The following HERC3 variants were observed in gnomAD, a reference collection of about 807,000 sequenced individuals.
The protein encoded by HERC3 is HECT and RLD domain containing E3 ubiquitin protein ligase 3.
A neutral mutation model predicts 129.9 loss-of-function variants in HERC3; 58 were observed. The observed-to-expected ratio is 0.45, with a 90% CI of 0.36 to 0.56. The LOEUF (loss-of-function observed/expected upper bound fraction) is 0.56. Among genes scored for constraint, HERC3 ranks in the 20% least tolerant of loss-of-function variants. The probability of loss-of-function intolerance (pLI) is 0.00; values close to 1 mark genes in which losing one functional copy is unlikely to be tolerated. For synonymous variants in HERC3, 430 were observed against 451.0 expected (o/e 0.95, Z 0.59); for missense variants, 835 against 1,244.2 (o/e 0.67, Z 4.95).
At chr4:88,561,272 A>T in the HERC3 span, among the ~76,000 whole-genome samples, 1 of 152,144 alleles carries the variant, frequency 6.6e-6, no homozygotes, top group Non-Finnish European at 1.5e-5. Context: ...GTGATATTTG[A>T]GCCTTGAGCA....
At chr4:88,535,369 G>A in the HERC3 span, among the ~76,000 whole-genome samples, 1 of 152,292 alleles carries the variant, frequency 6.6e-6, no homozygotes, top group South Asian at 2.1e-4. Flanking sequence ...AGTCATTAGG[G>A]ACATTTTATT....
At chr4:88,697,247 C>T (rs780460849) in intron 23 of HERC3, 2 of 1,545,590 alleles carry the variant, frequency 1.3e-6, no homozygotes, top group Admixed American at 4.2e-5. Context: ...TGGGCATCGT[C>T]ATGTTTGGCC....
chr4:88,694,137 A>G (rs1254806209), intron 23 of HERC3, among the ~76,000 whole-genome samples: 1 of 152,192 alleles, frequency 6.6e-6, no homozygotes, highest in Non-Finnish European at 1.5e-5. Context: ...TGCTGGCCAG[A>G]GCACATAGCT....
chr4:88,698,430 A>T (rs1178078103), intron 23 of HERC3, among the ~76,000 whole-genome samples: 1 of 152,050 alleles, frequency 6.6e-6, no homozygotes, highest in African/African-American at 2.4e-5. Context: ...GTCGTCTCTC[A>T]GCAGGACTCC....
In HERC3 at chr4:88,670,981, C is replaced by T. The variant is rs567859959; in HGVS notation, c.1911+729C>T. 9.2e-5 allele frequency among the ~76,000 whole-genome samples: 14 copies of T among 151,978 alleles called. No homozygotes were observed. In the South Asian group the frequency reaches 1.0e-3, roughly 11 times the overall value. ...CATCATATGTCAGCTACCTGGACCC[C>T]GTAGGCCCCTTCTGATTGAGAATTA... On this transcript the variant is annotated intron_variant, in intron 16 of 25. Transcript: ENST00000402738.
chr4:88,530,827 A>G, the HERC3 span, among the ~76,000 whole-genome samples: 1 of 152,182 alleles, frequency 6.6e-6, no homozygotes, highest in Non-Finnish European at 1.5e-5. Context: ...TAAGATATCA[A>G]TATATGGAAA....
chr4:88,560,864 T>C, the HERC3 span, among the ~76,000 whole-genome samples: 1 of 152,330 alleles, frequency 6.6e-6, no homozygotes, highest in East Asian at 1.9e-4. Context: ...TTGTGTTCTC[T>C]TGGTGTCCTT....
In HERC3 at chr4:88,631,421, C is replaced by T. The variant is rs1726741834; in HGVS notation, c.227-18419C>T. Among the ~76,000 whole-genome samples, 3 of 152,286 alleles carry T rather than the reference C, an allele frequency of 2.0e-5. No individual in the cohort carries two copies. The South Asian group carries it at 6.2e-4, about 32-fold the overall frequency. On this transcript the variant is annotated intron_variant, in intron 3 of 25. Coordinates refer to ENST00000402738, the MANE Select transcript of HERC3 (RefSeq NM_014606.3). ...AGTGAGCTGAGATTGTGCCACTGCA[C>T]TCCAGGGCCTGGGTGACAAAGTGAG...
intron 12 of HERC3, among the ~76,000 whole-genome samples, chr4:88,665,506 G>T (rs1560737769): frequency 6.6e-6 from 1 of 152,154 alleles, no homozygotes; most frequent in Non-Finnish European, 1.5e-5. Flanking sequence ...TTTGTTCTGG[G>T]CTTTCAGCTG....
chr4:88,603,453 T>TGC lies in HERC3; in HGVS notation c.-29-2341_-29-2340dup, dbSNP rs556538308. Among the ~76,000 whole-genome samples, 506 of 152,246 alleles carry TGC rather than the reference T, an allele frequency of 3.3e-3. 2 individuals are homozygous for TGC. Among genetic ancestry groups the TGC allele is most frequent in the African/African-American group, 0.012 (482 of 41,552 alleles). On this transcript the variant is annotated intron_variant, in intron 2 of 25. Coordinates refer to ENST00000402738, the MANE Select transcript of HERC3 (RefSeq NM_014606.3). ...GAACTCCTTCCTCAGGTGATCCATC[T>TGC]GCCTCAGCCTCCCAAAGTGCTGGGA...
chr4:88,704,867 T>TA (rs1184473594), intron 25 of HERC3, among the ~76,000 whole-genome samples: 2 of 107,282 alleles, frequency 1.9e-5, no homozygotes, highest in African/African-American at 8.7e-5. Flanking sequence ...TTCTTTCTTT[T>TA]TTTTTTTTTT....
intron 25 of HERC3, 106 bp from the exon 26 acceptor site, chr4:88,706,646 C>T: frequency 1.2e-6 from 1 of 811,236 alleles, no homozygotes; most frequent in Non-Finnish European, 2.0e-6. Context: ...TTGTACTTCT[C>T]ATGCAAGCCA....
At chr4:88,683,868 C>T (rs1200461911) in intron 21 of HERC3, among the ~76,000 whole-genome samples, 1 of 152,180 alleles carries the variant, frequency 6.6e-6, no homozygotes, top group Non-Finnish European at 1.5e-5. Context: ...AGCACAAACT[C>T]ACAAACTTTC....
intron 2 of HERC3, among the ~76,000 whole-genome samples, chr4:88,604,011 C>T (rs1723324963): frequency 1.3e-5 from 2 of 151,956 alleles, no homozygotes; most frequent in Non-Finnish European, 2.9e-5. Context: ...AATTCACATA[C>T]CATAAAATTT....
At chr4:88,656,954 C>T (rs938995069) in intron 9 of HERC3, 1 of 152,128 alleles carries the variant, frequency 6.6e-6, no homozygotes, top group African/African-American at 2.4e-5. Context: ...TTGCTGTTGG[C>T]ATTTTGGTAT....
chr4:88,555,772 G>A, the HERC3 span, among the ~76,000 whole-genome samples: 1 of 152,176 alleles, frequency 6.6e-6, no homozygotes, highest in African/African-American at 2.4e-5. Flanking sequence ...AGCAGAGATT[G>A]AGCAGGAATA....
rs776086990 is a variant in HERC3, at chr4:88,687,224, G to A, written c.2582G>A (p.Arg861Gln). The A allele has an allele frequency of 1.2e-5, 20 of 1,610,084 alleles. No homozygotes were observed. The highest frequency in any genetic ancestry group is 2.7e-5 in the African/African-American group (2 of 74,730). ...ETFCLNFTICRESYGVIEQKK... is the reference protein window; with the variant it reads ...ETFCLNFTICQESYGVIEQKK... ...TTTCCACCTTAAATATAGATCTGCC[G>A]AGAAAGCTATGGAGTGATTGAACAG... The change falls in exon 23 of 26, where the codon CGA becomes CAA. Residue 861 changes from arginine (R) to glutamine (Q), a missense_variant. Arg to Gln is a conservative substitution (Grantham distance 43). Coordinates refer to ENST00000402738, the MANE Select transcript of HERC3 (RefSeq NM_014606.3).
chr4:88,681,583 G>T (rs1356285839), intron 21 of HERC3, among the ~76,000 whole-genome samples: 1 of 152,214 alleles, frequency 6.6e-6, no homozygotes, highest in Non-Finnish European at 1.5e-5. Context: ...ATGTGCTCAA[G>T]TCCTGCAGGG....
At chr4:88,548,406 G>A in the HERC3 span, among the ~76,000 whole-genome samples, 3 of 152,056 alleles carry the variant, frequency 2.0e-5, no homozygotes, top group African/African-American at 2.4e-5. Flanking sequence ...TGTGTGATAT[G>A]GTATCTCCAT....
Sources: gnomAD v4.1 joint callset for allele counts (sites outside exome capture counted in the v4.1 genomes callset) on GRCh38, gnomAD v4.1.1 for gene constraint, MANE v1.5 for transcripts, NCBI Gene and HGNC (gene_info 2026-07-23, HGNC 2026-07-21) for gene names.